The following KCTD10 variants were observed in gnomAD, a reference collection of about 807,000 sequenced individuals.
KCTD10 encodes the protein BTB/POZ domain-containing adapter for CUL3-mediated RhoA degradation protein 3.
Under a neutral mutation model 34.6 loss-of-function variants are expected in KCTD10, and 13 were observed. The observed-to-expected ratio is 0.38, with a 90% CI of 0.24 to 0.60. KCTD10 has a LOEUF of 0.60. Among genes scored for constraint, KCTD10 ranks in the 20% least tolerant of loss-of-function variants. The pLI is 0.66. For missense variants in KCTD10, 256 were observed against 420.3 expected (o/e 0.61, Z 3.42); for synonymous variants, 156 against 168.8 (o/e 0.92, Z 0.59).
chr12:109,457,725 G>T, intron 4 of KCTD10, 43 bp from the exon 5 acceptor site: 1 of 1,598,042 alleles, frequency 6.3e-7, no homozygotes, highest in Non-Finnish European at 8.6e-7. Context: ...TTACTTGGCA[G>T]GCAGATGCAA....
At position 109,451,631 on chromosome 12, in the gene KCTD10, G is replaced by A. The variant is rs201063803; in HGVS notation, c.906C>T (p.Ile302=). 5.7e-4 allele frequency: 914 copies of A among 1,611,464 alleles called. 10 individuals are homozygous for A. In the East Asian group the frequency reaches 0.019, roughly 33 times the overall value. Residue 302 remains isoleucine, a synonymous_variant, in exon 7 of 7, where the codon ATC becomes ATT. Transcript: ENST00000228495. This position sits in a 1 kb window ranked among gnomAD's most constrained non-coding sequence, Gnocchi z 5.0. ...GGTGGGCCCGGTCATCAGGGCGCTT[G>A]ATGTGGATCCTCCGCACGCGCTCGA... is the stretch of plus-strand genomic sequence containing the variant. The part of the protein sequence containing the change: ...ERIERVRRIH[I]KRPDDRAHLH...
Position 109,458,070 on chromosome 12 carries a change from A to G in KCTD10, c.396T>C (p.Asp132=), listed in dbSNP as rs769406940. ...EECQAALQNK[D]TYEPFCKVPV... ...GGACCTTGCAGAAAGGCTCATAAGT[A>G]TCTTTGTTCTGCTGGAACAAAACAT... is the stretch of plus-strand genomic sequence containing the variant. Residue 132 remains aspartate, a synonymous_variant, in exon 4 of 7, where the codon GAT becomes GAC. Coordinates refer to ENST00000228495, the MANE Select transcript of KCTD10 (RefSeq NM_031954.5). The G allele has an allele frequency of 1.2e-6, 2 of 1,614,010 alleles. No homozygotes were observed. The highest frequency in any genetic ancestry group is 1.7e-5 in the Admixed American group (1 of 60,032).
chr12:109,456,159 AAC>A lies in KCTD10; in HGVS notation c.680_681del (p.Cys227LeufsTer9), dbSNP rs1873007404. On this transcript the variant is annotated frameshift_variant, in exon 6 of 7. Transcript: ENST00000228495. LOFTEE classifies it high-confidence loss of function. Reference sequence around the variant, plus strand: ...TCAGTGGCATAGACGATGGAGGTACAACAGACTTCAGCAATCTTCCGGCCCTG... The same window carrying A: ...TCAGTGGCATAGACGATGGAGGTACAAGACTTCAGCAATCTTCCGGCCCTG... ...YGQGRKIAEVCCTSIVYATEK... is the reference protein window; with the variant it reads ...YGQGRKIAEVXCTSIVYATEK... 6.2e-7 allele frequency: 1 copy of A among 1,614,084 alleles called. No homozygotes were observed. Among genetic ancestry groups the A allele is most frequent in the Non-Finnish European group, 8.5e-7 (1 of 1,180,046 alleles).
intron 2 of KCTD10, chr12:109,469,278 G>A: frequency 1.8e-6 from 1 of 543,798 alleles, no homozygotes; most frequent in South Asian, 2.3e-5. Flanking sequence ...CCCCAGGCTT[G>A]AGTTTCACTC....
intron 1 of KCTD10, 164 bp from the exon 2 acceptor site, chr12:109,469,892 C>G (rs918300036): frequency 7.2e-7 from 1 of 1,385,602 alleles, no homozygotes; most frequent in Non-Finnish European, 9.5e-7. Flanking sequence ...ACAGAAAAAT[C>G]TGGACTTCTG....
At chr12:109,468,257 G>A (rs921131984) in intron 2 of KCTD10, among the ~76,000 whole-genome samples, 26 of 152,158 alleles carry the variant, frequency 1.7e-4, no homozygotes, top group African/African-American at 6.3e-4. Context: ...CCAGGACACA[G>A]AGAGGAATGT....
chr12:109,452,559 G>A (rs531287223), intron 6 of KCTD10, among the ~76,000 whole-genome samples: 1 of 152,308 alleles, frequency 6.6e-6, no homozygotes, highest in African/African-American at 2.4e-5. Context: ...AATGGAGCAG[G>A]CACACTCTAC....
rs1873281423 is a variant in KCTD10, at chr12:109,460,783, A to G, written c.240T>C (p.Cys80=). The G allele has an allele frequency of 6.2e-7, 1 of 1,613,988 alleles. No individual in the cohort carries two copies. Among genetic ancestry groups the G allele is most frequent in the South Asian group, 1.1e-5 (1 of 91,082 alleles). ...DSEGWILIDR[C]GKHFGTILNY... ...TGAGTATCGTACCAAAGTGCTTCCCACAGCGGTCAATGAGGATCCAGCCTG... is the reference window on the plus strand; with the variant it reads ...TGAGTATCGTACCAAAGTGCTTCCCGCAGCGGTCAATGAGGATCCAGCCTG... The change falls in exon 3 of 7, where the codon TGT becomes TGC. Residue 80 remains cysteine (C), a synonymous_variant. Transcript: ENST00000228495. The surrounding 1 kb of genome is among the most constrained non-coding windows in gnomAD (Gnocchi z 4.5).
chr12:109,456,592 G>A (rs1423670753), intron 5 of KCTD10: 2 of 455,638 alleles, frequency 4.4e-6, no homozygotes, highest in African/African-American at 2.0e-5. Context: ...CCTAACCATT[G>A]TGCTTGAGTG....
intron 1 of KCTD10, among the ~76,000 whole-genome samples, chr12:109,475,404 G>C (rs1874114091): frequency 6.6e-6 from 1 of 152,182 alleles, no homozygotes. Context: ...TTGAGGCAGG[G>C]AAGGTGAGGC....
At position 109,450,044 on chromosome 12, in the gene KCTD10, G is replaced by T; in HGVS notation, c.*1551C>A. On this transcript the variant is annotated 3_prime_UTR_variant, in exon 7 of 7. Transcript: ENST00000228495. ...TGAAGGCATACAACTGTCACAGGCA[G>T]GGCAGTAAGTACAAAGTCTAAGCTG... 5.3e-6 allele frequency: 2 copies of T among 380,096 alleles called. No homozygotes were observed. 23.5% of individuals were successfully genotyped at this position (380,096 alleles called of 1,614,324 possible).
In KCTD10 at chr12:109,475,559, C is replaced by T. The variant is rs145273683; in HGVS notation, c.3+1701G>A. ...TCAATTAATCAGTATCTCAGAGATG[C>T]GGAGGGGTGGCTGATCAGTCACTAG... On this transcript the variant is annotated intron_variant, in intron 1 of 6. Transcript: ENST00000228495. 2.9e-3 allele frequency among the ~76,000 whole-genome samples: 449 copies of T among 152,208 alleles called. 10 individuals carry two copies. The highest frequency in any genetic ancestry group is 0.01 in the African/African-American group (426 of 41,500).
rs772252514 is a variant in KCTD10 at position 109,451,727 on chromosome 12, C to T, written c.810G>A (p.Ala270=). The change falls in exon 7 of 7, where the codon GCG becomes GCA. Residue 270 remains alanine, a synonymous_variant. Coordinates refer to ENST00000228495, the MANE Select transcript of KCTD10 (RefSeq NM_031954.5). The surrounding 1 kb of genome is among the most constrained non-coding windows in gnomAD (Gnocchi z 5.0). ...CCGCCCCGCCTGTGGCCTCCAGGAGCGCATTGTCAGGTCCCCGGCCATCCT... is the reference window on the plus strand; with the variant it reads ...CCGCCCCGCCTGTGGCCTCCAGGAGTGCATTGTCAGGTCCCCGGCCATCCT... ...EAQDGRGPDN[A]LLEATGGAAG... is the part of the protein sequence containing the mutation. 28 of 1,614,016 alleles carry T rather than the reference C, an allele frequency of 1.7e-5. No individual in the cohort carries two copies. Among genetic ancestry groups the T allele is most frequent in the Middle Eastern group, 1.6e-4 (1 of 6,084 alleles).
chr12:109,469,348 T>C, intron 2 of KCTD10, 167 bp downstream of exon 2: 1 of 748,630 alleles, frequency 1.3e-6, no homozygotes, highest in South Asian at 1.9e-5. Context: ...GAAGTGACTT[T>C]CTCAAAGTAA....
At chr12:109,462,151 G>A (rs1185941349) in intron 2 of KCTD10, among the ~76,000 whole-genome samples, 1 of 152,168 alleles carries the variant, frequency 6.6e-6, no homozygotes, top group Non-Finnish European at 1.5e-5. Flanking sequence ...CCCCTTACCT[G>A]GCAGGTCCAG....
chr12:109,463,525 C>T (rs66704117), intron 2 of KCTD10, among the ~76,000 whole-genome samples: 5,902 of 152,274 alleles, frequency 0.039, 147 homozygotes, highest in Non-Finnish European at 0.061. Flanking sequence ...GGGTCTCTCT[C>T]CTGCTGCCAC....
chr12:109,464,840 C>G (rs66769661), intron 2 of KCTD10: 27,340 of 455,888 alleles, frequency 0.06, 1,039 homozygotes, highest in Middle Eastern at 0.085. Context: ...ATCCAGACTT[C>G]TGCAGGGAGT....
At chr12:109,465,257 C>G (rs10850201) in intron 2 of KCTD10, among the ~76,000 whole-genome samples, 17,525 of 152,202 alleles carry the variant, frequency 0.12, 2,555 homozygotes, top group African/African-American at 0.34. Context: ...TGAACGAGAG[C>G]TATTTAGTTG....
chr12:109,469,373 G>C lies in KCTD10; in HGVS notation c.217+142C>G, dbSNP rs186573790. On this transcript the variant is annotated intron_variant, in intron 2 of 6. Transcript: ENST00000228495. ...TCTCAAAGTAACATAGCAAATCAAC[G>C]ACCAAGTCAAGATGGTGGGAGTCCC... is the stretch of plus-strand genomic sequence containing the variant. 18 of 936,430 alleles carry C rather than the reference G, an allele frequency of 1.9e-5. No individual in the cohort carries two copies. The African/African-American group carries it at 2.7e-4, about 14-fold the overall frequency. 58.0% of individuals were successfully genotyped at this position (936,430 alleles called of 1,614,324 possible). A position where few individuals can be genotyped will look rare whatever the true frequency, so the allele number is the denominator to read the frequency against.
Sources: gnomAD v4.1 joint callset for allele counts (sites outside exome capture counted in the v4.1 genomes callset) on GRCh38, gnomAD v4.1.1 for gene constraint, Gnocchi (gnomAD v3.1) non-coding constraint, MANE v1.5 for transcripts, NCBI Gene and HGNC (gene_info 2026-07-23, HGNC 2026-07-21) for gene names.